ADAD1: variants seen among roughly 807,000 people sequenced by gnomAD.
The protein encoded by ADAD1 is adenosine deaminase domain-containing protein 1.
Under a neutral mutation model 66.8 loss-of-function variants are expected in ADAD1, and 46 were observed. The ratio of observed to expected loss-of-function variants is 0.69; its 90% confidence interval spans 0.54 to 0.88. The LOEUF is 0.88. Among genes scored for constraint, ADAD1 ranks in the 40% least tolerant of loss-of-function variants. The probability of loss-of-function intolerance (pLI) is 0.00; values close to 1 mark genes in which losing one functional copy is unlikely to be tolerated. For missense variants in ADAD1, 617 were observed against 681.8 expected (o/e 0.91, Z 1.06); for synonymous variants, 248 against 229.4 (o/e 1.08, Z -0.73).
At chr4:122,380,555 C>A (rs1336704202) in intron 3 of ADAD1, 5 of 342,566 alleles carry the variant, frequency 1.5e-5, no homozygotes, top group Non-Finnish European at 2.6e-5. Flanking sequence ...TAGCACTTAG[C>A]GTAGTGTTAA....
chr4:122,407,694 G>T (rs551804718), intron 7 of ADAD1, among the ~76,000 whole-genome samples: 45 of 152,214 alleles, frequency 3.0e-4, no homozygotes, highest in African/African-American at 9.4e-4. Context: ...TAAAACATCT[G>T]CCTTTTTCAT....
chr4:122,380,727 G>C (rs766819148), intron 3 of ADAD1, among the ~76,000 whole-genome samples: 7 of 152,156 alleles, frequency 4.6e-5, no homozygotes, highest in Middle Eastern at 3.2e-3. Context: ...TGGAGACCCT[G>C]ACATCACTAA....
intron 7 of ADAD1, among the ~76,000 whole-genome samples, chr4:122,399,086 A>G (rs868490313): frequency 6.6e-6 from 1 of 152,126 alleles, no homozygotes; most frequent in African/African-American, 2.4e-5. Context: ...ATCTTCTAGA[A>G]TTTTTATGGC....
intron 12 of ADAD1, among the ~76,000 whole-genome samples, chr4:122,422,909 A>G (rs891435418): frequency 2.0e-5 from 3 of 147,964 alleles, no homozygotes; most frequent in Non-Finnish European, 4.4e-5. Context: ...CTATAATCAC[A>G]CCACTGCACT....
At chr4:122,383,747 G>T (rs1795019685) in intron 4 of ADAD1, 52 bp from the exon 5 acceptor site, 1 of 1,529,994 alleles carries the variant, frequency 6.5e-7, no homozygotes, top group African/African-American at 1.4e-5. Flanking sequence ...TACATTGTTT[G>T]CAAGAATATA....
intron 12 of ADAD1, among the ~76,000 whole-genome samples, chr4:122,427,523 C>CTT (rs59864757): frequency 0.4 from 28,661 of 71,984 alleles, 10,512 homozygotes; most frequent in African/African-American, 0.56. Context: ...ATCCAAAGGC[C>CTT]TTTTTTTTTT....
chr4:122,415,095 G>A (rs1796667077), intron 10 of ADAD1, among the ~76,000 whole-genome samples: 1 of 152,096 alleles, frequency 6.6e-6, no homozygotes, highest in African/African-American at 2.4e-5. Flanking sequence ...AGTTACTAAA[G>A]TACCAGTTTC....
At chr4:122,412,519 G>A in intron 9 of ADAD1, 61 bp from the exon 10 acceptor site, 1 of 1,368,576 alleles carries the variant, frequency 7.3e-7, no homozygotes, top group Non-Finnish European at 1.0e-6. Context: ...GTTAGGTACA[G>A]GTAGATTTTG....
intron 6 of ADAD1, among the ~76,000 whole-genome samples, chr4:122,395,252 T>C (rs1019478336): frequency 1.3e-5 from 2 of 151,884 alleles, no homozygotes; most frequent in Admixed American, 1.3e-4. Flanking sequence ...GGTTTCACCA[T>C]GTAGACCAGA....
intron 11 of ADAD1, among the ~76,000 whole-genome samples, chr4:122,420,083 T>C (rs1796934149): frequency 6.6e-6 from 1 of 152,158 alleles, no homozygotes; most frequent in Admixed American, 6.5e-5. Flanking sequence ...GCTACAATTA[T>C]CACTCTTTGA....
At chr4:122,396,187 G>T (rs1795703752) in intron 6 of ADAD1, 65 bp from the exon 7 acceptor site, 5 of 1,321,362 alleles carry the variant, frequency 3.8e-6, no homozygotes, top group Non-Finnish European at 4.0e-6. Flanking sequence ...GTTATAATAA[G>T]AATAATAAGA....
chr4:122,381,446 G>A (rs185996542), intron 4 of ADAD1, among the ~76,000 whole-genome samples: 1 of 152,170 alleles, frequency 6.6e-6, no homozygotes, highest in East Asian at 1.9e-4. Context: ...ACTATTTTGG[G>A]GTGTAATTAC....
chr4:122,384,105 T>C, intron 5 of ADAD1, 139 bp downstream of exon 5: 1 of 768,372 alleles, frequency 1.3e-6, no homozygotes, highest in Non-Finnish European at 2.0e-6. Flanking sequence ...TTTCAGTTGC[T>C]GTCCACTGAT....
At chr4:122,389,445 G>T (rs1191925142) in intron 5 of ADAD1, among the ~76,000 whole-genome samples, 1 of 152,124 alleles carries the variant, frequency 6.6e-6, no homozygotes, top group Non-Finnish European at 1.5e-5. Flanking sequence ...ATCTAATACT[G>T]ACAGTGTGGT....
intron 10 of ADAD1, 41 bp from the exon 11 acceptor site, chr4:122,415,338 C>A: frequency 1.4e-6 from 2 of 1,456,608 alleles, no homozygotes; most frequent in Non-Finnish European, 1.9e-6. Context: ...TTGGGATGTT[C>A]TTTTAATATT....
At chr4:122,387,332 C>T (rs1293986757) in intron 5 of ADAD1, among the ~76,000 whole-genome samples, 1 of 152,070 alleles carries the variant, frequency 6.6e-6, no homozygotes, top group African/African-American at 2.4e-5. Context: ...TGCTTTGGCT[C>T]TCTGCTTGCC....
intron 7 of ADAD1, among the ~76,000 whole-genome samples, chr4:122,405,038 T>C (rs1796144579): frequency 6.6e-6 from 1 of 152,198 alleles, no homozygotes; most frequent in African/African-American, 2.4e-5. Flanking sequence ...TTTGCTACAT[T>C]ATTACCCTTT....
intron 2 of ADAD1, 78 bp from the exon 3 acceptor site, chr4:122,379,984 G>A: frequency 7.3e-7 from 1 of 1,370,140 alleles, no homozygotes; most frequent in East Asian, 2.4e-5. Flanking sequence ...AATAATGGGG[G>A]GGTGGGGTTT....
chr4:122,400,282 A>T (rs1189130742), intron 7 of ADAD1, among the ~76,000 whole-genome samples: 3 of 151,900 alleles, frequency 2.0e-5, no homozygotes, highest in Admixed American at 2.0e-4. Context: ...TTTTGTTTTT[A>T]ATTCTGTTTA....
Sources: allele counts gnomAD v4.1 joint callset (sites outside exome capture counted in the v4.1 genomes callset), GRCh38; gene constraint gnomAD v4.1.1; transcripts MANE v1.5; gene names NCBI Gene and HGNC (gene_info 2026-07-23, HGNC 2026-07-21).